RSRP1: variants seen among roughly 807,000 people sequenced by gnomAD.
RSRP1 encodes the protein arginine and serine rich protein 1.
A neutral mutation model predicts 33.0 loss-of-function variants in RSRP1; 37 were observed. The observed-to-expected ratio is 1.12, with a 90% CI of 0.86 to 1.48. The LOEUF (loss-of-function observed/expected upper bound fraction) is 1.48, where lower values mean the gene tolerates loss of function less well. RSRP1 is among the 40% of genes most tolerant of loss of function. The probability of loss-of-function intolerance (pLI) is 0.00; values close to 1 mark genes in which losing one functional copy is unlikely to be tolerated. For synonymous variants in RSRP1, 167 were observed against 158.7 expected (o/e 1.05, Z -0.40); for missense variants, 402 against 385.3 (o/e 1.04, Z -0.36).
chr1:25,314,662 T>G lies in RSRP1; in HGVS notation c.-67+23316A>C, dbSNP rs142410354. Reference sequence around the variant, plus strand: ...GCGCATGCCACCATGCCCAGCTAACTTCTGTATAGACAAAATAATTTTTGG... The same window carrying G: ...GCGCATGCCACCATGCCCAGCTAACGTCTGTATAGACAAAATAATTTTTGG... On this transcript the variant is annotated intron_variant, in intron 1 of 1. Coordinates refer to the RSRP1 transcript ENST00000561867. Among the ~76,000 whole-genome samples the G allele has an allele frequency of 1.5e-5, 2 of 131,198 alleles. 1 individual carries two copies. Among genetic ancestry groups the G allele is most frequent in the Non-Finnish European group, 3.6e-5 (2 of 55,294 alleles). The allele number at this position is 131,198 out of a possible 152,430, so 86.1% of individuals were successfully genotyped here.
At chr1:25,263,700 A>G (rs1640230624) in intron 1 of RSRP1, among the ~76,000 whole-genome samples, 1 of 151,442 alleles carries the variant, frequency 6.6e-6, no homozygotes, top group African/African-American at 2.4e-5. Flanking sequence ...ACATTTCAAA[A>G]CCAATCACAC....
intron 1 of RSRP1, among the ~76,000 whole-genome samples, chr1:25,321,080 T>C (rs1015704531): frequency 3.1e-5 from 4 of 130,028 alleles, no homozygotes; most frequent in African/African-American, 1.0e-4. Context: ...CTTAAAAAGA[T>C]GGGGAAAAGG....
At position 25,282,931 on chromosome 1, in the gene RSRP1, T is replaced by G. The variant is rs536296290; in HGVS notation, c.-66-35902A>C. ...TGTCTACATGCTGGTTGCAGAAAAT[T>G]TAAACACTAAAACTAAAAAAGTAAA... On this transcript the variant is annotated intron_variant, in intron 1 of 1. Transcript: ENST00000561867. 2.3e-5 allele frequency among the ~76,000 whole-genome samples: 3 copies of G among 131,502 alleles called. 1 individual carries two copies. The highest frequency in any genetic ancestry group is 5.4e-5 in the Non-Finnish European group (3 of 55,492). 86.3% of individuals were successfully genotyped at this position (131,502 alleles called of 152,430 possible). A position where few individuals can be genotyped will look rare whatever the true frequency, so the allele number is the denominator to read the frequency against.
rs1185342387 is a variant in RSRP1 at position 25,322,275 on chromosome 1, T to G, written c.-67+15703A>C. ...CTCAGCGTAGCCAAATAGTCTGACATGCGGGTGACAGAACCCCACAATGCA... is the reference window on the plus strand; with the variant it reads ...CTCAGCGTAGCCAAATAGTCTGACAGGCGGGTGACAGAACCCCACAATGCA... On this transcript the variant is annotated intron_variant, in intron 1 of 1. Transcript: ENST00000561867. Among the ~76,000 whole-genome samples the G allele has an allele frequency of 1.5e-5, 2 of 132,528 alleles. 1 individual carries two copies. Among genetic ancestry groups the G allele is most frequent in the Non-Finnish European group, 3.6e-5 (2 of 55,900 alleles). 86.9% of individuals were successfully genotyped at this position (132,528 alleles called of 152,430 possible). A position where few individuals can be genotyped will look rare whatever the true frequency, so the allele number is the denominator to read the frequency against.
intron 1 of RSRP1, among the ~76,000 whole-genome samples, chr1:25,292,546 CTG>C (rs1485468692): frequency 3.8e-5 from 5 of 130,838 alleles, no homozygotes; most frequent in African/African-American, 1.3e-4. Context: ...AACTCAGCGG[CTG>C]CTGGTGCCAT....
Position 25,284,528 on chromosome 1 carries a change from C to T in RSRP1, c.-66-37499G>A, listed in dbSNP as rs752469034. ...TCTAATTTCATACCACCCTAAATCT[C>T]GTCTGCTTCCCCCTCGTCCTTCTCG... On this transcript the variant is annotated intron_variant, in intron 1 of 1. Transcript: ENST00000561867. 11 of 1,364,508 alleles carry T rather than the reference C, an allele frequency of 8.1e-6. 1 individual carries two copies. Among genetic ancestry groups the T allele is most frequent in the Middle Eastern group, 1.8e-4 (1 of 5,492 alleles). 84.5% of individuals were successfully genotyped at this position (1,364,508 alleles called of 1,614,324 possible). A position where few individuals can be genotyped will look rare whatever the true frequency, so the allele number is the denominator to read the frequency against.
At chr1:25,250,244 C>G (rs748419171), upstream of RSRP1, among the ~76,000 whole-genome samples, 1 of 152,130 alleles carries the variant, frequency 6.6e-6, no homozygotes, top group Non-Finnish European at 1.5e-5. Context: ...TACCTTCCAC[C>G]GAGCACATTC....
chr1:25,330,983 A>T (rs78684756), intron 1 of RSRP1, among the ~76,000 whole-genome samples: 1,593 of 48,184 alleles, frequency 0.033, 124 homozygotes, highest in Admixed American at 0.067. Flanking sequence ...TTTTTTTTTG[A>T]GACAGAGTCT....
In RSRP1 at chr1:25,304,297, G is replaced by A. The variant is rs1389788975; in HGVS notation, c.-67+33681C>T. Reference sequence around the variant, plus strand: ...ATTTGGATGAACAGGGGCTATTCAGGGAGTGCATTCCAACCTAAAATTAGG... The same window carrying A: ...ATTTGGATGAACAGGGGCTATTCAGAGAGTGCATTCCAACCTAAAATTAGG... On this transcript the variant is annotated intron_variant, in intron 1 of 1. Coordinates refer to the RSRP1 transcript ENST00000561867. 9.2e-5 allele frequency: 10 copies of A among 108,326 alleles called. 3 individuals carry two copies. Among genetic ancestry groups the A allele is most frequent in the Non-Finnish European group, 1.7e-4 (8 of 45,918 alleles). 6.7% of individuals were successfully genotyped at this position (108,326 alleles called of 1,614,324 possible). A position where few individuals can be genotyped will look rare whatever the true frequency, so the allele number is the denominator to read the frequency against.
intron 1 of RSRP1, chr1:25,307,552 C>A: frequency 1.8e-6 from 1 of 570,278 alleles, no homozygotes; most frequent in Non-Finnish European, 3.3e-6. Context: ...TGCTAGAAAC[C>A]ATTATATGCA....
At chr1:25,259,013 TAAC>T (rs1640039622) in intron 1 of RSRP1, among the ~76,000 whole-genome samples, 1 of 152,314 alleles carries the variant, frequency 6.6e-6, no homozygotes, top group Non-Finnish European at 1.5e-5. Flanking sequence ...ATGTACCACA[TAAC>T]AACATCTTGG....
Position 25,289,947 on chromosome 1 carries a change from A to G in RSRP1, c.-66-42918T>C, listed in dbSNP as rs601803. Among the ~76,000 whole-genome samples the G allele has an allele frequency of 1.4e-4, 18 of 130,606 alleles. 4 individuals are homozygous for G. Among genetic ancestry groups the G allele is most frequent in the African/African-American group, 1.9e-4 (7 of 37,690 alleles). 85.7% of individuals were successfully genotyped at this position (130,606 alleles called of 152,430 possible). A position where few individuals can be genotyped will look rare whatever the true frequency, so the allele number is the denominator to read the frequency against. On this transcript the variant is annotated intron_variant, in intron 1 of 1. Transcript: ENST00000561867. ...GTTAATAAGGCTAGCGTCTTTTCAG[A>G]AGTTGGTTCTTTGTGCCAGTCTTGG...
chr1:25,280,057 G>T (rs1214840598), intron 1 of RSRP1, among the ~76,000 whole-genome samples: 1 of 129,576 alleles, frequency 7.7e-6, no homozygotes, highest in Non-Finnish European at 1.8e-5. Flanking sequence ...GAGGGGGCAG[G>T]GGGAGGAGAA....
At chr1:25,334,340 C>T (rs4126583) in intron 1 of RSRP1, among the ~76,000 whole-genome samples, 29,910 of 131,654 alleles carry the variant, frequency 0.23, 8,508 homozygotes, top group Admixed American at 0.3. Flanking sequence ...ATCCAGGTCA[C>T]GCAGATGGAA....
rs1204150941 is a variant in RSRP1 at position 25,331,315 on chromosome 1, C to A, written c.-67+6663G>T. ...AGTCCTATTAGATTAGGGCTCCACC[C>A]TCATAACCTCATTTGACCTTAACTA... On this transcript the variant is annotated intron_variant, in intron 1 of 1. Transcript: ENST00000561867. Among the ~76,000 whole-genome samples the A allele has an allele frequency of 1.5e-5, 2 of 131,122 alleles. 1 individual carries two copies. Among genetic ancestry groups the A allele is most frequent in the Non-Finnish European group, 3.6e-5 (2 of 55,532 alleles). The allele number at this position is 131,122 out of a possible 152,430, so 86.0% of individuals were successfully genotyped here. A position where few individuals can be genotyped will look rare whatever the true frequency, so the allele number is the denominator to read the frequency against.
intron 1 of RSRP1, among the ~76,000 whole-genome samples, chr1:25,254,247 T>G (rs1370330828): frequency 6.6e-6 from 1 of 152,192 alleles, no homozygotes; most frequent in African/African-American, 2.4e-5. Context: ...GATGGTTTCC[T>G]GGGTTGATAG....
chr1:25,337,437 G>GC (rs1645102804), intron 1 of RSRP1: 1 of 144,308 alleles, frequency 6.9e-6, no homozygotes, highest in Admixed American at 7.0e-5. Context: ...GGCGAGCCCG[G>GC]CCGCAAGTCT....
rs1643772771 is a variant in RSRP1, at chr1:25,305,752, C to G, written c.-67+32226G>C. ...AGTAGCTGGGTCTACAGGCGCCCAC[C>G]ACCACGCCCAGCTAATTTTTTGTGT... On this transcript the variant is annotated intron_variant, in intron 1 of 1. Coordinates refer to the RSRP1 transcript ENST00000561867. 3.1e-5 allele frequency among the ~76,000 whole-genome samples: 4 copies of G among 130,414 alleles called. 1 individual carries two copies. The highest frequency in any genetic ancestry group is 3.0e-4 in the Admixed American group (4 of 13,358). 85.6% of individuals were successfully genotyped at this position (130,414 alleles called of 152,430 possible). A position where few individuals can be genotyped will look rare whatever the true frequency, so the allele number is the denominator to read the frequency against.
rs746552405 is a variant in RSRP1 at position 25,242,546 on chromosome 1, A to C, written c.*43T>G. On this transcript the variant is annotated 3_prime_UTR_variant, in exon 5 of 5. Transcript: ENST00000243189. Reference sequence around the variant, plus strand: ...AATGCTAGAAACACTAACTTGCAATAAAGTGCAGTTTTCATGCAAACTTAG... The same window carrying C: ...AATGCTAGAAACACTAACTTGCAATCAAGTGCAGTTTTCATGCAAACTTAG... The C allele has an allele frequency of 7.4e-6, 9 of 1,220,538 alleles. No homozygotes were observed. Among genetic ancestry groups the C allele is most frequent in the African/African-American group, 1.5e-5 (1 of 66,078 alleles). The allele number at this position is 1,220,538 out of a possible 1,614,324, so 75.6% of individuals were successfully genotyped here.
Sources: allele counts gnomAD v4.1 joint callset (sites outside exome capture counted in the v4.1 genomes callset), GRCh38; gene constraint gnomAD v4.1.1; transcripts MANE v1.5; gene names NCBI Gene and HGNC (gene_info 2026-07-23, HGNC 2026-07-21).